The following TLE1 variants were observed in gnomAD, a reference collection of about 807,000 sequenced individuals.
The protein encoded by TLE1 is TLE family member 1, transcriptional corepressor.
TLE1 carries 21 observed loss-of-function variants against 89.8 expected under a neutral mutation model. The observed-to-expected ratio is 0.23, with a 90% confidence interval of 0.17 to 0.34. TLE1 has a LOEUF of 0.34. TLE1 is among the 10% of genes least tolerant of loss of function. TLE1 has a pLI of 1.00. For missense variants in TLE1, 795 were observed against 1,031.2 expected (o/e 0.77, Z 3.14); for synonymous variants, 447 against 407.6 (o/e 1.10, Z -1.16).
chr9:81,604,461 T>TA (rs1831373488), intron 14 of TLE1, among the ~76,000 whole-genome samples: 1 of 152,084 alleles, frequency 6.6e-6, no homozygotes, highest in South Asian at 2.1e-4. Context: ...ATGAGGATGA[T>TA]AGATTAGCAG....
intron 8 of TLE1, among the ~76,000 whole-genome samples, chr9:81,628,150 C>T (rs890949764): frequency 1.7e-4 from 26 of 152,174 alleles, no homozygotes; most frequent in Non-Finnish European, 1.2e-4. Flanking sequence ...CATTCACTGC[C>T]GTCTTGCTAC....
intron 4 of TLE1, among the ~76,000 whole-genome samples, chr9:81,660,870 G>T (rs1830680132): frequency 1.3e-5 from 2 of 149,532 alleles, no homozygotes; most frequent in Non-Finnish European, 3.0e-5. Context: ...GCCGAGGCGG[G>T]AGGATCACGA....
chr9:81,684,389 T>C (rs1273255630), intron 4 of TLE1, among the ~76,000 whole-genome samples: 2 of 152,056 alleles, frequency 1.3e-5, no homozygotes, highest in East Asian at 3.9e-4. Flanking sequence ...AATTACATTA[T>C]TAATAAAAGG....
At chr9:81,671,967 C>T (rs1832285881) in intron 4 of TLE1, among the ~76,000 whole-genome samples, 1 of 152,122 alleles carries the variant, frequency 6.6e-6, no homozygotes, top group Admixed American at 6.5e-5. Flanking sequence ...ATGAGCCAGC[C>T]CACTTACAAA....
chr9:81,611,431 C>T (rs1823694900), intron 13 of TLE1, among the ~76,000 whole-genome samples: 1 of 152,100 alleles, frequency 6.6e-6, no homozygotes, highest in Non-Finnish European at 1.5e-5. Context: ...CCACTCGAAT[C>T]ATTTCATCGC....
chr9:81,606,150 AG>A (rs1253877311), intron 14 of TLE1, among the ~76,000 whole-genome samples: 8 of 152,306 alleles, frequency 5.3e-5, no homozygotes, highest in African/African-American at 1.9e-4. Context: ...TGGAGAAATA[AG>A]AACACTTTTA....
intron 4 of TLE1, among the ~76,000 whole-genome samples, chr9:81,660,863 G>C (rs978921160): frequency 6.7e-6 from 1 of 150,362 alleles, no homozygotes; most frequent in South Asian, 2.1e-4. Context: ...TTGGGAGGCC[G>C]AGGCGGGAGG....
Position 81,689,421 on chromosome 9 carries a change from G to C in TLE1, c.-1181C>G, listed in dbSNP as rs1178355649. The C allele has an allele frequency of 6.5e-6, 1 of 152,732 alleles. No homozygotes were observed. Among genetic ancestry groups the C allele is most frequent in the East Asian group, 2.0e-4 (1 of 5,124 alleles). 9.5% of individuals were successfully genotyped at this position (152,732 alleles called of 1,614,324 possible). On this transcript the variant is annotated 5_prime_UTR_variant, in exon 1 of 20. Coordinates refer to ENST00000376499, the MANE Select transcript of TLE1 (RefSeq NM_005077.5). ...GGTCCCGCCCGGCCGTGCGAGGGTGGGGTGGCGCAGTCGGCTGCCTCCGGG... is the reference window on the plus strand; with the variant it reads ...GGTCCCGCCCGGCCGTGCGAGGGTGCGGTGGCGCAGTCGGCTGCCTCCGGG...
intron 18 of TLE1, 94 bp downstream of exon 18, chr9:81,585,411 T>C (rs1348874463): frequency 1.5e-5 from 22 of 1,487,870 alleles, no homozygotes; most frequent in Non-Finnish European, 1.9e-5. Flanking sequence ...TCGGAGAACA[T>C]TTTTTCCAGA....
At chr9:81,664,951 T>G (rs947752393) in intron 4 of TLE1, among the ~76,000 whole-genome samples, 2 of 152,132 alleles carry the variant, frequency 1.3e-5, no homozygotes, top group African/African-American at 4.8e-5. Context: ...CTGCCATCTA[T>G]TTCAGCAGCA....
At chr9:81,598,245 C>T (rs2777777) in intron 14 of TLE1, among the ~76,000 whole-genome samples, 66,938 of 151,902 alleles carry the variant, frequency 0.44, 15,220 homozygotes, top group African/African-American at 0.49. Context: ...CCCAGCCACA[C>T]AGGACAACAG....
Position 81,620,385 on chromosome 9 carries a change from A to C in TLE1, c.711+56T>G, listed in dbSNP as rs888307260. 1.3e-5 allele frequency: 17 copies of C among 1,285,764 alleles called. No individual in the cohort carries two copies. The Middle Eastern group carries it at 5.7e-4, about 43-fold the overall frequency. The allele number at this position is 1,285,764 out of a possible 1,614,324, so 79.6% of individuals were successfully genotyped here. A position where few individuals can be genotyped will look rare whatever the true frequency, so the allele number is the denominator to read the frequency against. ...CACTAAGATCTTAGAATATACTTGG[A>C]TACTCAGGTGAGCAGTAAGCAAACA... On this transcript the variant is annotated intron_variant, in intron 9 of 19. Coordinates refer to ENST00000376499, the MANE Select transcript of TLE1 (RefSeq NM_005077.5).
chr9:81,593,407 T>C, intron 14 of TLE1, 133 bp from the exon 15 acceptor site: 1 of 1,252,226 alleles, frequency 8.0e-7, no homozygotes, highest in Non-Finnish European at 1.1e-6. Context: ...TCCTTTGAAA[T>C]CAATACAAAT....
At chr9:81,609,966 T>C (rs1823484228) in intron 14 of TLE1, among the ~76,000 whole-genome samples, 1 of 152,194 alleles carries the variant, frequency 6.6e-6, no homozygotes, top group African/African-American at 2.4e-5. Context: ...CCTCCAGCTC[T>C]TTCCTCCCAC....
At chr9:81,659,402 AG>A (rs554955827) in intron 4 of TLE1, among the ~76,000 whole-genome samples, 31 of 152,190 alleles carry the variant, frequency 2.0e-4, no homozygotes, top group Non-Finnish European at 4.1e-4. Context: ...GTACCCACTA[AG>A]TCATAATGCT....
Position 81,689,017 on chromosome 9 carries a change from G to A in TLE1, c.-777C>T, listed in dbSNP as rs1011680880. 6 of 152,178 alleles carry A rather than the reference G, an allele frequency of 3.9e-5. No individual in the cohort carries two copies. The highest frequency in any genetic ancestry group is 2.0e-4 in the Admixed American group (3 of 15,292). 9.4% of individuals were successfully genotyped at this position (152,178 alleles called of 1,614,324 possible). A position where few individuals can be genotyped will look rare whatever the true frequency, so the allele number is the denominator to read the frequency against. On this transcript the variant is annotated 5_prime_UTR_variant, in exon 1 of 20. Transcript: ENST00000376499. ...GGGCCCGACGGGGCTACTCCACCGA[G>A]AGCAGTCCCGCAAGTGCCCAATGCT...
At chr9:81,617,919 G>A (rs948376972) in intron 9 of TLE1, among the ~76,000 whole-genome samples, 5 of 152,088 alleles carry the variant, frequency 3.3e-5, no homozygotes, top group South Asian at 2.1e-4. Flanking sequence ...CAGCTACTCC[G>A]GAGGCTGAGG....
At chr9:81,625,319 G>T (rs909113166) in intron 8 of TLE1, among the ~76,000 whole-genome samples, 1 of 152,176 alleles carries the variant, frequency 6.6e-6, no homozygotes, top group Non-Finnish European at 1.5e-5. Flanking sequence ...GAACAGAATG[G>T]CTATGACAGC....
intron 4 of TLE1, among the ~76,000 whole-genome samples, chr9:81,661,925 G>A (rs1335040349): frequency 6.6e-6 from 1 of 152,186 alleles, no homozygotes; most frequent in Non-Finnish European, 1.5e-5. Flanking sequence ...ATACGTTACT[G>A]ATGACATTAA....
Sources: gnomAD v4.1 joint callset for allele counts (sites outside exome capture counted in the v4.1 genomes callset) on GRCh38, gnomAD v4.1.1 for gene constraint, MANE v1.5 for transcripts, NCBI Gene and HGNC (gene_info 2026-07-23, HGNC 2026-07-21) for gene names.